HMCN1: variants seen among roughly 807,000 people sequenced by gnomAD.
The protein encoded by HMCN1 is hemicentin-1.
A neutral mutation model predicts 625.9 loss-of-function variants in HMCN1; 321 were observed. The ratio of observed to expected loss-of-function variants is 0.51; its 90% CI spans 0.47 to 0.56. HMCN1 has a LOEUF of 0.56. Ranked by LOEUF, HMCN1 falls within the 20% of genes least tolerant of loss-of-function variation. The pLI is 0.00. For synonymous variants in HMCN1, 2,425 were observed against 2,417.6 expected, an observed-to-expected ratio of 1.00 and a Z score of -0.09; for missense variants, 6,588 against 6,887.3, an observed-to-expected ratio of 0.96 and a Z score of 1.54.
rs759357384 is a variant in HMCN1, at chr1:186,189,883, C to G, written c.*5C>G. On this transcript the variant is annotated 3_prime_UTR_variant, in exon 107 of 107. Coordinates refer to ENST00000271588, the MANE Select transcript of HMCN1 (RefSeq NM_031935.3). ...GTGTCCGCCTATCCATACTAAGGAA[C>G]TCTCCAAAGCCTATTCCACATATTT... 2.5e-6 allele frequency: 4 copies of G among 1,613,206 alleles called. No homozygotes were observed. The African/African-American group carries it at 5.3e-5, about 22-fold the overall frequency.
rs373682172 is a variant in HMCN1 at position 185,911,679 on chromosome 1, C to G, written c.799C>G (p.Leu267Val). The G allele has an allele frequency of 1.2e-6, 2 of 1,607,908 alleles. No homozygotes were observed. The highest frequency in any genetic ancestry group is 1.7e-6 in the Non-Finnish European group (2 of 1,174,738). ...CTTTATGTTCTGTCTTTCAGGGAAG[C>G]TGATAAAAAAGGGATTTGGCCTGCA... ...MIEIRNPLGK[L>V]IKKGFGLHEL... The change falls in exon 6 of 107, where the codon CTG becomes GTG. Residue 267 changes from leucine to valine, a missense_variant. Leu to Val is a conservative substitution (Grantham distance 32). Coordinates refer to ENST00000271588, the MANE Select transcript of HMCN1 (RefSeq NM_031935.3).
rs551885743 is a variant in HMCN1, at chr1:186,179,300, A to T, written c.16294+534A>T. On this transcript the variant is annotated intron_variant, in intron 104 of 106. Transcript: ENST00000271588. ...TGTACGTCACTGAAAAGATAATATGAGTTGGGACAAAATTAAGTTGTTTCT... is the reference window on the plus strand; with the variant it reads ...TGTACGTCACTGAAAAGATAATATGTGTTGGGACAAAATTAAGTTGTTTCT... 1.1e-4 allele frequency among the ~76,000 whole-genome samples: 17 copies of T among 152,312 alleles called. No homozygotes were observed. In the South Asian group the frequency reaches 3.5e-3, roughly 32 times the overall value.
intron 1 of HMCN1, among the ~76,000 whole-genome samples, chr1:185,778,386 G>T (rs559214200): frequency 1.5e-4 from 22 of 149,116 alleles, no homozygotes; most frequent in Non-Finnish European, 2.4e-4. Context: ...TAGGGTACAT[G>T]TGCACAACAT....
chr1:185,968,104 G>A (rs1436757568), intron 14 of HMCN1, among the ~76,000 whole-genome samples: 1 of 152,074 alleles, frequency 6.6e-6, no homozygotes, highest in African/African-American at 2.4e-5. Context: ...ATGTGGTTTG[G>A]AGACTCTAGG....
At chr1:186,093,108 C>T in intron 64 of HMCN1, 26 bp from the exon 65 acceptor site, 1 of 1,612,640 alleles carries the variant, frequency 6.2e-7, no homozygotes, top group East Asian at 2.2e-5. Flanking sequence ...CTCATCTCAG[C>T]CCCTCTGTTA....
intron 8 of HMCN1, among the ~76,000 whole-genome samples, chr1:185,924,254 G>A (rs1367040348): frequency 3.4e-5 from 3 of 88,468 alleles, no homozygotes; most frequent in African/African-American, 1.4e-4. Flanking sequence ...TTTTTGAGAC[G>A]GAGTCTCGCT....
At chr1:185,823,281 T>G (rs1219016023) in intron 1 of HMCN1, among the ~76,000 whole-genome samples, 1 of 152,140 alleles carries the variant, frequency 6.6e-6, no homozygotes, top group Admixed American at 6.6e-5. Context: ...TGGAAAAAGA[T>G]AGTTCTTTTT....
Position 185,920,374 on chromosome 1 carries a change from T to C in HMCN1, c.901-2005T>C, listed in dbSNP as rs1287216007. Among the ~76,000 whole-genome samples, 4 of 152,146 alleles carry C rather than the reference T, an allele frequency of 2.6e-5. No homozygotes were observed. In the East Asian group the frequency reaches 5.8e-4, roughly 22 times the overall value. ...ATCTTTTATTTACAAACACTTAAAT[T>C]CATCAAAGACATTCCTACTGTCTAC... is the stretch of plus-strand genomic sequence containing the variant. On this transcript the variant is annotated intron_variant, in intron 6 of 106. Coordinates refer to ENST00000271588, the MANE Select transcript of HMCN1 (RefSeq NM_031935.3).
intron 87 of HMCN1, 145 bp downstream of exon 87, chr1:186,137,082 C>CATCA: frequency 3.9e-6 from 4 of 1,015,408 alleles, no homozygotes; most frequent in Non-Finnish European, 6.0e-6. Context: ...TCAAAATTTA[C>CATCA]AGATTGAAGG....
At chr1:185,944,928 T>G (rs1420949117) in intron 11 of HMCN1, among the ~76,000 whole-genome samples, 2 of 152,236 alleles carry the variant, frequency 1.3e-5, no homozygotes, top group Non-Finnish European at 2.9e-5. Context: ...CTAAAAAATT[T>G]TGGTTCAAAT....
chr1:186,015,229 G>A lies in HMCN1; in HGVS notation c.4701G>A (p.Leu1567=). 1 of 1,613,650 alleles carries A rather than the reference G, an allele frequency of 6.2e-7. No individual in the cohort carries two copies. The highest frequency in any genetic ancestry group is 2.2e-5 in the East Asian group (1 of 44,830). Residue 1567 remains leucine, a synonymous_variant, in exon 31 of 107, where the codon CTG becomes CTA. Transcript: ENST00000271588. ...ISVLINSLIK[L]ECETRGLPMP... ...TATTGATCAACAGCCTTATTAAACTGGAATGTGAAACACGGGGACTTCCAA... is the reference window on the plus strand; with the variant it reads ...TATTGATCAACAGCCTTATTAAACTAGAATGTGAAACACGGGGACTTCCAA...
At chr1:185,933,950 T>C in intron 11 of HMCN1, 126 bp downstream of exon 11, 1 of 847,580 alleles carries the variant, frequency 1.2e-6, no homozygotes, top group Non-Finnish European at 2.0e-6. Context: ...TTTTAAGTGA[T>C]AGAATGCTTA....
At chr1:185,778,700 A>G (rs964149205) in intron 1 of HMCN1, among the ~76,000 whole-genome samples, 38 of 152,174 alleles carry the variant, frequency 2.5e-4, no homozygotes, top group African/African-American at 8.4e-4. Context: ...GCTGCATAGT[A>G]TTCCATGGTG....
At chr1:186,166,665 T>A in intron 99 of HMCN1, 143 bp from the exon 100 acceptor site, 1 of 1,090,692 alleles carries the variant, frequency 9.2e-7, no homozygotes, top group Non-Finnish European at 1.4e-6. Flanking sequence ...CCACCTGATG[T>A]GACTCAACCA....
At chr1:185,854,955 A>C (rs1442440975) in intron 2 of HMCN1, among the ~76,000 whole-genome samples, 1 of 152,232 alleles carries the variant, frequency 6.6e-6, no homozygotes, top group Non-Finnish European at 1.5e-5. Flanking sequence ...GACGGCATGC[A>C]GAATCCATAT....
In HMCN1 at chr1:185,840,225, T is replaced by C. The variant is rs182576634; in HGVS notation, c.269-5801T>C. ...GTAGATAAACTGAAAACAGTAAAAG[T>C]AGATATAATAATCTGATTTTTTGCA... On this transcript the variant is annotated intron_variant, in intron 1 of 106. Transcript: ENST00000271588. Among the ~76,000 whole-genome samples the C allele has an allele frequency of 2.4e-3, 365 of 152,318 alleles. 4 individuals are homozygous for C. The highest frequency in any genetic ancestry group is 6.8e-3 in the Middle Eastern group (2 of 294).
At chr1:186,088,461 G>T in intron 62 of HMCN1, 145 bp from the exon 63 acceptor site, 4 of 1,334,206 alleles carry the variant, frequency 3.0e-6, no homozygotes, top group Non-Finnish European at 4.0e-6. Flanking sequence ...ATTTTATAAA[G>T]AATTTTTTCT....
intron 1 of HMCN1, among the ~76,000 whole-genome samples, chr1:185,833,449 A>T (rs1660989023): frequency 6.6e-6 from 1 of 152,214 alleles, no homozygotes; most frequent in South Asian, 2.1e-4. Context: ...ATTAGCTAGC[A>T]GGGACTTAAA....
At chr1:185,790,424 G>C (rs1017004079) in intron 1 of HMCN1, among the ~76,000 whole-genome samples, 2 of 152,078 alleles carry the variant, frequency 1.3e-5, no homozygotes, top group Non-Finnish European at 2.9e-5. Context: ...TTTTATGCTT[G>C]GTTTTCATAT....
Sources: allele counts gnomAD v4.1 joint callset (sites outside exome capture counted in the v4.1 genomes callset), GRCh38; gene constraint gnomAD v4.1.1; transcripts MANE v1.5; gene names NCBI Gene and HGNC (gene_info 2026-07-23, HGNC 2026-07-21).